Variants in NR5A1 observed in about 807,000 individuals in gnomAD.
NR5A1 encodes nuclear receptor subfamily 5 group A member 1, also known as steroidogenic factor 1.
In NR5A1, 6 loss-of-function variants were observed where a neutral mutation model predicts 42.7. The observed-to-expected ratio is 0.14, with a 90% CI of 0.08 to 0.28. The LOEUF is 0.28. NR5A1 is among the 10% of genes least tolerant of loss of function. The pLI is 1.00. For synonymous variants in NR5A1, 274 were observed against 277.5 expected (o/e 0.99, Z 0.12); for missense variants, 442 against 626.4 (o/e 0.71, Z 3.14).
chr9:124,482,069 T>C lies in NR5A1; in HGVS notation c.*689A>G, dbSNP rs186051657. Reference sequence around the variant, plus strand: ...ATGTCGATTGTACCAAACGTTCTCCTTGGGTGGGAGAGGGAATCAGTGATG... The same window carrying C: ...ATGTCGATTGTACCAAACGTTCTCCCTGGGTGGGAGAGGGAATCAGTGATG... On this transcript the variant is annotated 3_prime_UTR_variant, in exon 7 of 7. Transcript: ENST00000373588. 2.7e-4 allele frequency: 42 copies of C among 153,534 alleles called. No individual in the cohort carries two copies. Among genetic ancestry groups the C allele is most frequent in the Non-Finnish European group, 4.4e-4 (30 of 68,924 alleles). The allele number at this position is 153,534 out of a possible 1,614,324, so 9.5% of individuals were successfully genotyped here.
At chr9:124,499,252 G>A (rs983359348) in intron 4 of NR5A1, among the ~76,000 whole-genome samples, 10 of 152,212 alleles carry the variant, frequency 6.6e-5, no homozygotes, top group African/African-American at 2.4e-4. Flanking sequence ...TAGGTGGGAA[G>A]ACTGGGAAGT....
chr9:124,500,182 C>T lies in NR5A1; in HGVS notation c.778G>A (p.Ala260Thr). 6.2e-7 allele frequency: 1 copy of T among 1,611,196 alleles called. No homozygotes were observed. Among genetic ancestry groups the T allele is most frequent in the Non-Finnish European group, 8.5e-7 (1 of 1,178,806 alleles). Residue 260 changes from alanine to threonine, a missense_variant, in exon 4 of 7, where the codon GCG (alanine) becomes ACG (threonine). This residue lies in a region of NR5A1 where 163 missense variants were observed against 265.8 expected (regional missense o/e 0.61). Transcript: ENST00000373588. This position sits in a 1 kb window ranked among gnomAD's most constrained non-coding sequence, Gnocchi z 6.9. ...EPTKSRPDQP[A>T]AFGLLCRMAD... is the part of the protein sequence containing the mutation. ...ATTCTGCACAGGAGGCCGAAGGCCG[C>T]CGGCTGGTCGGGGCGGCTTTTGGTG...
intron 5 of NR5A1, among the ~76,000 whole-genome samples, chr9:124,492,120 CAG>C (rs1475218773): frequency 6.6e-6 from 1 of 152,108 alleles, no homozygotes; most frequent in Non-Finnish European, 1.5e-5. Context: ...GAGCTGGGAG[CAG>C]AGTCTGTCTT....
intron 4 of NR5A1, among the ~76,000 whole-genome samples, chr9:124,493,722 A>G (rs949237017): frequency 2.0e-5 from 3 of 152,194 alleles, no homozygotes; most frequent in Non-Finnish European, 4.4e-5. Context: ...ACCTGGCCTG[A>G]GGTCAGGCCC....
chr9:124,482,968 G>T lies in NR5A1; in HGVS notation c.1176C>A (p.Asp392Glu). ...GGGCGGCGTTGGCCTTCTCCTGAGC[G>T]TCTTTCACCAGGATGTGGTTATTCA... ...KFLNNHILVK[D>E]AQEKANAALL... is the part of the protein sequence containing the mutation. The change falls in exon 7 of 7, where the codon GAC becomes GAA. Residue 392 changes from aspartate (D) to glutamate (E), a missense_variant. This residue lies in a region of NR5A1 where 163 missense variants were observed against 265.8 expected (regional missense o/e 0.61). Transcript: ENST00000373588. The T allele has an allele frequency of 6.2e-7, 1 of 1,614,144 alleles. No homozygotes were observed. Among genetic ancestry groups the T allele is most frequent in the Non-Finnish European group, 8.5e-7 (1 of 1,180,042 alleles).
rs1832144399 is a variant in NR5A1, at chr9:124,482,633, C to T, written c.*125G>A. ...AACTCAGGGGCAGCGGCCTCTGGGA[C>T]GGGGCTGGGGCTCCTCGGTGGGCAT... On this transcript the variant is annotated 3_prime_UTR_variant, in exon 7 of 7. Coordinates refer to ENST00000373588, the MANE Select transcript of NR5A1 (RefSeq NM_004959.5). 8.7e-7 allele frequency: 1 copy of T among 1,149,348 alleles called. No individual in the cohort carries two copies. Among genetic ancestry groups the T allele is most frequent in the Admixed American group, 2.1e-5 (1 of 48,116 alleles). 71.2% of individuals were successfully genotyped at this position (1,149,348 alleles called of 1,614,324 possible). A position where few individuals can be genotyped will look rare whatever the true frequency, so the allele number is the denominator to read the frequency against.
intron 4 of NR5A1, among the ~76,000 whole-genome samples, chr9:124,499,222 C>T (rs1832430616): frequency 6.6e-6 from 1 of 152,196 alleles, no homozygotes; most frequent in South Asian, 2.1e-4. Flanking sequence ...AGTTCTGGGG[C>T]CTCAGGCTCT....
rs148860586 is a variant in NR5A1, at chr9:124,498,402, G to A, written c.870+1688C>T. ...GGGGAAGCAGGAAGGTTTGGACCAC[G>A]GAGAAGCCAGAAGCAGGAAAAAACA... On this transcript the variant is annotated intron_variant, in intron 4 of 6. Transcript: ENST00000373588. The surrounding 1 kb of genome is among the most constrained non-coding windows in gnomAD (Gnocchi z 4.6). Among the ~76,000 whole-genome samples the A allele has an allele frequency of 1.3e-3, 197 of 152,264 alleles. No individual in the cohort carries two copies. The highest frequency in any genetic ancestry group is 2.4e-3 in the Non-Finnish European group (164 of 68,018).
In NR5A1 at chr9:124,488,323, C is replaced by A. The variant is rs1285957846; in HGVS notation, c.1138+2758G>T. Among the ~76,000 whole-genome samples the A allele has an allele frequency of 2.6e-5, 4 of 152,100 alleles. No individual in the cohort carries two copies. In the South Asian group the frequency reaches 8.3e-4, roughly 31 times the overall value. On this transcript the variant is annotated intron_variant, in intron 6 of 6. Coordinates refer to ENST00000373588, the MANE Select transcript of NR5A1 (RefSeq NM_004959.5). The stretch of plus-strand genomic sequence containing the variant: ...GGAACTGGCCAGCCAAAGGCCTCTG[C>A]AGCCCCCTACATCCCTCTCTCACTG...
At position 124,482,721 on chromosome 9, in the gene NR5A1, T is replaced by G. The variant is rs1362075692; in HGVS notation, c.*37A>C. On this transcript the variant is annotated 3_prime_UTR_variant, in exon 7 of 7. Transcript: ENST00000373588. ...GGCCCCGCCCAGGCCCCGCCCCCAG[T>G]CCCGCCCCCAGTCCCGGCCCCGCCC... The G allele has an allele frequency of 1.3e-4, 30 of 222,410 alleles. No individual in the cohort carries two copies. The highest frequency in any genetic ancestry group is 2.3e-4 in the Non-Finnish European group (28 of 120,268). The allele number at this position is 222,410 out of a possible 1,614,324, so 13.8% of individuals were successfully genotyped here. A position where few individuals can be genotyped will look rare whatever the true frequency, so the allele number is the denominator to read the frequency against.
chr9:124,494,092 G>T (rs1409793315), intron 4 of NR5A1, among the ~76,000 whole-genome samples: 1 of 152,232 alleles, frequency 6.6e-6, no homozygotes, highest in East Asian at 1.9e-4. Context: ...ACTGCAGATG[G>T]GCCTGGGCAG....
chr9:124,500,111 G>A lies in NR5A1; in HGVS notation c.849C>T (p.Cys283=). 6.2e-7 allele frequency: 1 copy of A among 1,613,138 alleles called. No individual in the cohort carries two copies. Among genetic ancestry groups the A allele is most frequent in the Non-Finnish European group, 8.5e-7 (1 of 1,180,028 alleles). ...FISIVDWARR[C]MVFKELEVAD... is the part of the protein sequence containing the mutation. ...TCACCTCCAGCTCCTTGAAGACCAT[G>A]CACCTGCGTGCCCAGTCCACGATGG... The change falls in exon 4 of 7, where the codon TGC becomes TGT. Residue 283 remains cysteine (C), a synonymous_variant. Coordinates refer to ENST00000373588, the MANE Select transcript of NR5A1 (RefSeq NM_004959.5). This position sits in a 1 kb window ranked among gnomAD's most constrained non-coding sequence, Gnocchi z 6.9.
intron 6 of NR5A1, among the ~76,000 whole-genome samples, chr9:124,489,976 C>T (rs1450940552): frequency 1.3e-5 from 2 of 152,112 alleles, no homozygotes; most frequent in South Asian, 2.1e-4. Flanking sequence ...GCCTCCACAA[C>T]ACTCCCCACT....
At chr9:124,492,635 G>A (rs941620075) in intron 5 of NR5A1, among the ~76,000 whole-genome samples, 9 of 152,002 alleles carry the variant, frequency 5.9e-5, no homozygotes, top group East Asian at 1.9e-4. Context: ...AGCAGGGCCC[G>A]GGGGCTCCAC....
At chr9:124,489,198 G>T (rs904785960) in intron 6 of NR5A1, among the ~76,000 whole-genome samples, 1 of 152,240 alleles carries the variant, frequency 6.6e-6, no homozygotes, top group African/African-American at 2.4e-5. Context: ...CCCAAGGACA[G>T]ACAGAGCCCT....
Position 124,482,813 on chromosome 9 carries a change from T to A in NR5A1, c.1331A>T (p.Asn444Ile). ...GAGCAGGTTGTTGCGGGGCATCTCG[T>A]TGCCCAGGTGCTTGTGGTACAGGTA... ...KEYLYHKHLG[N>I]EMPRNNLLIE... Residue 444 changes from asparagine (N) to isoleucine (I), a missense_variant, in exon 7 of 7, where the codon AAC (asparagine) becomes ATC (isoleucine). Asn to Ile is a moderately radical substitution (Grantham distance 149, BLOSUM62 -3). This residue lies in a region of NR5A1 where 163 missense variants were observed against 265.8 expected (regional missense o/e 0.61). Transcript: ENST00000373588. The A allele has an allele frequency of 1.3e-6, 2 of 1,587,466 alleles. No individual in the cohort carries two copies. The highest frequency in any genetic ancestry group is 1.7e-6 in the Non-Finnish European group (2 of 1,163,882).
Position 124,493,147 on chromosome 9 carries a change from C to T in NR5A1, c.873G>A (p.Val291=). The stretch of plus-strand genomic sequence containing the variant: ...TCTGCAGCAGCGTCATCTGGTCGGC[C>T]ACCTGGAAGGAAGAGGCACGCGGGG... ...RRCMVFKELE[V]ADQMTLLQNC... is the part of the protein sequence containing the mutation. Residue 291 remains valine, a splice_region_variant and synonymous_variant, in exon 5 of 7, where the codon GTG becomes GTA. Transcript: ENST00000373588. The T allele has an allele frequency of 6.2e-7, 1 of 1,610,868 alleles. No individual in the cohort carries two copies. The highest frequency in any genetic ancestry group is 8.5e-7 in the Non-Finnish European group (1 of 1,178,608).
intron 4 of NR5A1, among the ~76,000 whole-genome samples, chr9:124,497,350 T>C (rs1259696791): frequency 6.6e-6 from 1 of 152,220 alleles, no homozygotes; most frequent in Non-Finnish European, 1.5e-5. Flanking sequence ...CAGGCCTCTC[T>C]GATTCTAGTC....
intron 6 of NR5A1, 128 bp downstream of exon 6, chr9:124,490,953 G>A: frequency 8.3e-7 from 1 of 1,204,080 alleles, no homozygotes; most frequent in Non-Finnish European, 1.2e-6. Context: ...TAAGGGAGGG[G>A]TCCTTTCTCC....
Sources: gnomAD v4.1 joint callset for allele counts (sites outside exome capture counted in the v4.1 genomes callset) on GRCh38, gnomAD v4.1.1 for gene constraint, gnomAD v4.1.1 regional missense constraint, Gnocchi (gnomAD v3.1) non-coding constraint, MANE v1.5 for transcripts, NCBI Gene and HGNC (gene_info 2026-07-23, HGNC 2026-07-21) for gene names.